Variants in PCDH9 observed in about 807,000 individuals in gnomAD.
The protein encoded by PCDH9 is protocadherin 9, also known as protocadherin-9.
In PCDH9, 24 loss-of-function variants were observed where a neutral mutation model predicts 70.6. The ratio of observed to expected loss-of-function variants is 0.34; its 90% CI spans 0.25 to 0.48. PCDH9 has a LOEUF of 0.48. Ranked by LOEUF, PCDH9 falls within the 20% of genes least tolerant of loss-of-function variation. The pLI is 0.99. For synonymous variants in PCDH9, 562 were observed against 558.5 expected, an observed-to-expected ratio of 1.01 and a Z score of -0.09; for missense variants, 1,281 against 1,503.6, an observed-to-expected ratio of 0.85 and a Z score of 2.45.
chr13:66,520,016 C>CAAA (rs1959917668), intron 4 of PCDH9, among the ~76,000 whole-genome samples: 1 of 152,112 alleles, frequency 6.6e-6, no homozygotes, highest in Non-Finnish European at 1.5e-5. Context: ...CAAATCGGTT[C>CAAA]AGGACAAAAA....
At chr13:66,540,893 G>A (rs1421054768) in intron 4 of PCDH9, among the ~76,000 whole-genome samples, 2 of 152,114 alleles carry the variant, frequency 1.3e-5, no homozygotes, top group Non-Finnish European at 2.9e-5. Context: ...TCTACATTGA[G>A]CAACACACCT....
chr13:66,930,258 A>G (rs1198255110), intron 2 of PCDH9, among the ~76,000 whole-genome samples: 2 of 152,170 alleles, frequency 1.3e-5, no homozygotes, highest in Non-Finnish European at 2.9e-5. Flanking sequence ...CGTTTTGTGT[A>G]ATTTTTACAA....
At chr13:66,424,374 G>A (rs1360386483) in intron 4 of PCDH9, among the ~76,000 whole-genome samples, 1 of 151,790 alleles carries the variant, frequency 6.6e-6, no homozygotes, top group Non-Finnish European at 1.5e-5. Context: ...CAAGCCTACA[G>A]GATAACAGAC....
At chr13:66,763,832 G>A (rs2079667132) in intron 3 of PCDH9, among the ~76,000 whole-genome samples, 1 of 151,908 alleles carries the variant, frequency 6.6e-6, no homozygotes, top group African/African-American at 2.4e-5. Context: ...GTCCTGATCT[G>A]TCATCCAGCA....
At chr13:66,574,289 C>G (rs977834828) in intron 4 of PCDH9, among the ~76,000 whole-genome samples, 8 of 152,174 alleles carry the variant, frequency 5.3e-5, no homozygotes, top group Non-Finnish European at 8.8e-5. Context: ...CAGCTTCAGT[C>G]TCCTCAAATC....
chr13:67,122,486 A>G (rs2086895537), intron 2 of PCDH9, among the ~76,000 whole-genome samples: 1 of 151,932 alleles, frequency 6.6e-6, no homozygotes, highest in Admixed American at 6.6e-5. Flanking sequence ...TAAAAAGGAA[A>G]TAATCCAGAC....
chr13:66,368,049 T>TA (rs1448935908), intron 4 of PCDH9, among the ~76,000 whole-genome samples: 8 of 151,918 alleles, frequency 5.3e-5, no homozygotes, highest in South Asian at 2.1e-4. Context: ...AGGACTTTGA[T>TA]AAAAAAATGT....
chr13:66,688,948 T>C (rs575027515), intron 3 of PCDH9, among the ~76,000 whole-genome samples: 65 of 152,226 alleles, frequency 4.3e-4, no homozygotes, highest in Non-Finnish European at 7.2e-4. Context: ...ATATTACCTA[T>C]GGTAGCTGTG....
At chr13:66,648,017 G>A (rs1214917199) in intron 3 of PCDH9, among the ~76,000 whole-genome samples, 1 of 151,626 alleles carries the variant, frequency 6.6e-6, no homozygotes, top group African/African-American at 2.4e-5. Flanking sequence ...CTTTTGGCTT[G>A]GGTGCCAGCT....
chr13:66,486,843 C>T (rs1241683461), intron 4 of PCDH9, among the ~76,000 whole-genome samples: 2 of 152,024 alleles, frequency 1.3e-5, no homozygotes, highest in Admixed American at 1.3e-4. Flanking sequence ...CAGGTACTGA[C>T]AATATGTGTG....
intron 4 of PCDH9, among the ~76,000 whole-genome samples, chr13:66,307,814 G>C (rs192241182): frequency 6.6e-6 from 1 of 152,024 alleles, no homozygotes; most frequent in African/African-American, 2.4e-5. Context: ...CATATCACTC[G>C]AAGATTGAGA....
At chr13:66,593,229 A>T (rs2077058736) in intron 4 of PCDH9, among the ~76,000 whole-genome samples, 1 of 151,746 alleles carries the variant, frequency 6.6e-6, no homozygotes, top group South Asian at 2.1e-4. Context: ...ACATCTTCGG[A>T]GGACTATTGT....
intron 3 of PCDH9, among the ~76,000 whole-genome samples, chr13:66,775,283 A>C (rs1223228088): frequency 6.6e-6 from 1 of 152,182 alleles, no homozygotes; most frequent in Non-Finnish European, 1.5e-5. Context: ...ATTTGTGTAG[A>C]GTATACATAT....
At position 67,227,342 on chromosome 13, in the gene PCDH9, T is replaced by C. The variant is rs2138145833; in HGVS notation, c.1099A>G (p.Ile367Val). Residue 367 changes from isoleucine to valine, a missense_variant, in exon 2 of 5, where the codon ATC (isoleucine) becomes GTC (valine). This residue lies in a region of PCDH9 where 798 missense variants were observed against 1,003.1 expected (regional missense o/e 0.80). Coordinates refer to ENST00000377865, the MANE Select transcript of PCDH9 (RefSeq NM_203487.3). This position sits in a 1 kb window ranked among gnomAD's most constrained non-coding sequence, Gnocchi z 4.6. The stretch of plus-strand genomic sequence containing the variant: ...TCAGATAAATACACGGTGCCATTGA[T>C]GGGACTTATAATGTACCTGAGGTCT... ...NIDLRYIISPINGTVYLSEKD... is the reference protein window; with the variant it reads ...NIDLRYIISPVNGTVYLSEKD... The C allele has an allele frequency of 6.2e-7, 1 of 1,614,026 alleles. No homozygotes were observed. Among genetic ancestry groups the C allele is most frequent in the Non-Finnish European group, 8.5e-7 (1 of 1,179,888 alleles).
At chr13:66,815,176 C>T (rs1460880179) in intron 3 of PCDH9, among the ~76,000 whole-genome samples, 1 of 152,084 alleles carries the variant, frequency 6.6e-6, no homozygotes, top group African/African-American at 2.4e-5. Context: ...AAAACATGCT[C>T]AACATCACCA....
chr13:66,823,696 A>G (rs1036225004), intron 3 of PCDH9, among the ~76,000 whole-genome samples: 2 of 152,112 alleles, frequency 1.3e-5, no homozygotes, highest in Non-Finnish European at 2.9e-5. Context: ...CCTGTCCTCA[A>G]AATGTATATT....
chr13:66,972,100 T>C (rs915315809), intron 2 of PCDH9, among the ~76,000 whole-genome samples: 1 of 151,974 alleles, frequency 6.6e-6, no homozygotes, highest in Non-Finnish European at 1.5e-5. Context: ...ACATATACTA[T>C]TGTACACTGA....
intron 2 of PCDH9, among the ~76,000 whole-genome samples, chr13:67,046,859 A>C (rs982430433): frequency 6.6e-6 from 1 of 152,132 alleles, no homozygotes; most frequent in Non-Finnish European, 1.5e-5. Flanking sequence ...ACAGAAGGTC[A>C]GCTCAGCTTA....
At chr13:66,503,914 G>A (rs1249762715) in intron 4 of PCDH9, among the ~76,000 whole-genome samples, 1 of 152,140 alleles carries the variant, frequency 6.6e-6, no homozygotes, top group East Asian at 1.9e-4. Flanking sequence ...GTCAACAGAA[G>A]AGATACACAA....
Sources: allele counts gnomAD v4.1 joint callset (sites outside exome capture counted in the v4.1 genomes callset), GRCh38; gene constraint gnomAD v4.1.1; regional missense constraint gnomAD v4.1.1; non-coding constraint Gnocchi (gnomAD v3.1); transcripts MANE v1.5; gene names NCBI Gene and HGNC (gene_info 2026-07-23, HGNC 2026-07-21).